The following THSD7B variants were observed in gnomAD, a reference collection of about 807,000 sequenced individuals.
THSD7B encodes the protein thrombospondin type-1 domain-containing protein 7B.
A neutral mutation model predicts 213.6 loss-of-function variants in THSD7B; 138 were observed. The ratio of observed to expected loss-of-function variants is 0.65; its 90% CI spans 0.56 to 0.74. The LOEUF is 0.74. THSD7B is among the 30% of genes least tolerant of loss of function. The pLI, the probability that THSD7B is intolerant of heterozygous loss-of-function variation, is 0.00. For synonymous variants in THSD7B, 742 were observed against 687.0 expected, an observed-to-expected ratio of 1.08 and a Z score of -1.25; for missense variants, 1,931 against 1,991.5, an observed-to-expected ratio of 0.97 and a Z score of 0.58.
intron 20 of THSD7B, among the ~76,000 whole-genome samples, chr2:137,632,849 T>G: frequency 6.6e-6 from 1 of 152,190 alleles, no homozygotes; most frequent in Admixed American, 6.5e-5. Flanking sequence ...TGGCTTGGAC[T>G]AGAGTCTGTT....
Position 137,572,483 on chromosome 2 carries a change from C to G in THSD7B, c.3350C>G (p.Thr1117Ser). Residue 1117 changes from threonine (T) to serine (S), a missense_variant, in exon 17 of 28, where the codon ACC (threonine) becomes AGC (serine). Transcript: ENST00000409968. Reference sequence around the variant, plus strand: ...AACCAGGATGAAATTCCCCCAGAAACCCAGTCCTGTTCTCTTATGTGTCCC... The same window carrying G: ...AACCAGGATGAAATTCCCCCAGAAAGCCAGTCCTGTTCTCTTATGTGTCCC... Reference protein sequence around the residue: ...LCNQDEIPPETQSCSLMCPNE... With the variant: ...LCNQDEIPPESQSCSLMCPNE... 1 of 1,613,902 alleles carries G rather than the reference C, an allele frequency of 6.2e-7. No individual in the cohort carries two copies. The highest frequency in any genetic ancestry group is 8.5e-7 in the Non-Finnish European group (1 of 1,179,850).
intron 16 of THSD7B, among the ~76,000 whole-genome samples, chr2:137,569,475 G>A (rs892819227): frequency 6.6e-6 from 1 of 152,180 alleles, no homozygotes; most frequent in Non-Finnish European, 1.5e-5. Flanking sequence ...AGGGGGAGGG[G>A]ATGGGCAATC....
intron 1 of THSD7B, among the ~76,000 whole-genome samples, chr2:136,793,615 G>C (rs935900086): frequency 6.6e-6 from 1 of 151,786 alleles, no homozygotes; most frequent in Non-Finnish European, 1.5e-5. Flanking sequence ...TGCATCACTG[G>C]AATAAATACC....
At chr2:136,955,487 A>G (rs1451483121) in intron 2 of THSD7B, among the ~76,000 whole-genome samples, 6 of 152,192 alleles carry the variant, frequency 3.9e-5, no homozygotes, top group African/African-American at 1.4e-4. Flanking sequence ...AAACTCTGAG[A>G]GTAACAGATA....
chr2:137,344,593 T>C (rs942392851), intron 12 of THSD7B, among the ~76,000 whole-genome samples: 6 of 151,618 alleles, frequency 4.0e-5, no homozygotes, highest in Non-Finnish European at 7.4e-5. Context: ...GAGGAATAAG[T>C]GGACACAAAC....
chr2:137,299,486 C>CT (rs1683547113), intron 12 of THSD7B, among the ~76,000 whole-genome samples: 1 of 88,266 alleles, frequency 1.1e-5, no homozygotes, highest in Non-Finnish European at 2.2e-5. Context: ...TTGGGAGGGG[C>CT]CGGGGTGGAG....
chr2:137,661,230 C>T (rs939751273), intron 25 of THSD7B, among the ~76,000 whole-genome samples: 1 of 152,032 alleles, frequency 6.6e-6, no homozygotes. Context: ...AATCTTCATC[C>T]ATCATGTCTC....
intron 7 of THSD7B, among the ~76,000 whole-genome samples, chr2:137,211,356 A>ACACACAGAGGCACACACACACACACC (rs1681107004): frequency 1.5e-5 from 2 of 131,962 alleles, no homozygotes; most frequent in African/African-American, 5.1e-5. Context: ...ACACACACAC[A>ACACACAGAGGCACACACACACACACC]CACACACACG....
At chr2:137,459,978 C>A (rs760721213) in intron 15 of THSD7B, among the ~76,000 whole-genome samples, 2 of 152,158 alleles carry the variant, frequency 1.3e-5, no homozygotes, top group Non-Finnish European at 2.9e-5. Context: ...ATGAAGCCAT[C>A]ATTTCTTCTG....
chr2:137,316,457 AT>A (rs1487126097), intron 12 of THSD7B, among the ~76,000 whole-genome samples: 1 of 152,232 alleles, frequency 6.6e-6, no homozygotes, highest in East Asian at 1.9e-4. Context: ...CAAGTGAATC[AT>A]CTAAATAAGA....
chr2:137,406,987 A>G (rs926830362), intron 13 of THSD7B, among the ~76,000 whole-genome samples: 4 of 152,194 alleles, frequency 2.6e-5, no homozygotes, highest in South Asian at 2.1e-4. Flanking sequence ...AACATAACGC[A>G]TCGGAAGCCA....
chr2:136,767,769 C>T (rs978956318), intron 1 of THSD7B, among the ~76,000 whole-genome samples: 10 of 152,088 alleles, frequency 6.6e-5, no homozygotes, highest in Non-Finnish European at 1.5e-4. Flanking sequence ...CTTGGAGATA[C>T]GTGGTCCAGG....
At chr2:137,002,904 A>C (rs909385560) in intron 2 of THSD7B, among the ~76,000 whole-genome samples, 1 of 152,208 alleles carries the variant, frequency 6.6e-6, no homozygotes, top group Non-Finnish European at 1.5e-5. Context: ...ATAGATAATA[A>C]AATGAGATAA....
intron 15 of THSD7B, among the ~76,000 whole-genome samples, chr2:137,488,292 A>G (rs1032494804): frequency 6.6e-6 from 1 of 152,198 alleles, no homozygotes; most frequent in Admixed American, 6.5e-5. Context: ...ATTCATATGT[A>G]TATGCACACA....
In THSD7B at chr2:137,557,219, C is replaced by A. The variant is rs1171513667; in HGVS notation, c.3139-6002C>A. 3.3e-5 allele frequency among the ~76,000 whole-genome samples: 5 copies of A among 152,128 alleles called. No homozygotes were observed. The East Asian group carries it at 7.7e-4, about 23-fold the overall frequency. On this transcript the variant is annotated intron_variant, in intron 15 of 27. Transcript: ENST00000409968. Reference sequence around the variant, plus strand: ...AATAGACATCTACAGAACTCTCCACCCCAAATCAACAGAATATACATTCTT... The same window carrying A: ...AATAGACATCTACAGAACTCTCCACACCAAATCAACAGAATATACATTCTT...
At chr2:137,650,785 A>G (rs1558871644) in intron 21 of THSD7B, among the ~76,000 whole-genome samples, 1 of 152,122 alleles carries the variant, frequency 6.6e-6, no homozygotes. Context: ...AAGAGTTTCT[A>G]TCATAAAGGG....
At chr2:136,779,184 G>A (rs1163504478) in intron 1 of THSD7B, among the ~76,000 whole-genome samples, 4 of 136,494 alleles carry the variant, frequency 2.9e-5, no homozygotes, top group Non-Finnish European at 4.7e-5. Context: ...CGTGTTAAAA[G>A]GCTATATATA....
intron 15 of THSD7B, among the ~76,000 whole-genome samples, chr2:137,471,910 G>A (rs1016765985): frequency 6.0e-4 from 91 of 152,218 alleles, no homozygotes; most frequent in African/African-American, 1.9e-3. Context: ...GTTTTCTTAC[G>A]GTTGCTTCAA....
intron 12 of THSD7B, among the ~76,000 whole-genome samples, chr2:137,295,636 C>T (rs905625829): frequency 1.3e-5 from 2 of 151,914 alleles, no homozygotes; most frequent in Non-Finnish European, 2.9e-5. Flanking sequence ...CCACCATGGC[C>T]AGCTAACTTT....
Sources: gnomAD v4.1 joint callset for allele counts (sites outside exome capture counted in the v4.1 genomes callset) on GRCh38, gnomAD v4.1.1 for gene constraint, MANE v1.5 for transcripts, NCBI Gene and HGNC (gene_info 2026-07-23, HGNC 2026-07-21) for gene names.